Variants in PALLD observed in about 807,000 individuals in gnomAD.
PALLD encodes palladin, cytoskeletal associated protein, also known as palladin.
A neutral mutation model predicts 123.5 loss-of-function variants in PALLD; 61 were observed. The observed-to-expected ratio is 0.49, with a 90% CI of 0.40 to 0.61. The LOEUF is 0.61. Ranked by LOEUF, PALLD falls within the 20% of genes least tolerant of loss-of-function variation. The pLI, the probability that PALLD is intolerant of heterozygous loss-of-function variation, is 0.00. For synonymous variants in PALLD, 465 were observed against 496.4 expected (o/e 0.94, Z 0.84); for missense variants, 1,273 against 1,377.0 (o/e 0.92, Z 1.20).
chr4:168,669,169 T>A (rs10021497), intron 3 of PALLD, among the ~76,000 whole-genome samples: 6,488 of 152,268 alleles, frequency 0.043, 425 homozygotes, highest in African/African-American at 0.14. Flanking sequence ...TGTACTTTTT[T>A]AAACTATTTA....
At chr4:168,800,979 C>T (rs1416348104) in intron 10 of PALLD, among the ~76,000 whole-genome samples, 1 of 152,108 alleles carries the variant, frequency 6.6e-6, no homozygotes, top group Non-Finnish European at 1.5e-5. Flanking sequence ...AAATCTTACA[C>T]ACATAATATA....
At chr4:168,902,925 C>T (rs72975241) in intron 14 of PALLD, among the ~76,000 whole-genome samples, 371 of 152,156 alleles carry the variant, frequency 2.4e-3, no homozygotes, top group African/African-American at 8.6e-3. Flanking sequence ...ACATGCACCA[C>T]CACACCCAGA....
chr4:168,535,839 A>G (rs1765039634), intron 2 of PALLD, among the ~76,000 whole-genome samples: 3 of 152,184 alleles, frequency 2.0e-5, no homozygotes. Context: ...GGGGTAAGTG[A>G]GCAAAAGCAG....
chr4:168,519,489 T>A (rs1580096956), intron 2 of PALLD, among the ~76,000 whole-genome samples: 1 of 149,520 alleles, frequency 6.7e-6, no homozygotes, highest in Non-Finnish European at 1.5e-5. Flanking sequence ...TCAGGGTTGT[T>A]TTAGTTATAT....
At chr4:168,640,166 A>T (rs575319543) in intron 2 of PALLD, among the ~76,000 whole-genome samples, 1 of 152,298 alleles carries the variant, frequency 6.6e-6, no homozygotes, top group Admixed American at 6.5e-5. Flanking sequence ...CACTGGCTCA[A>T]GTTCAGCGTA....
chr4:168,611,609 T>C (rs1773735052), intron 2 of PALLD, among the ~76,000 whole-genome samples: 1 of 152,234 alleles, frequency 6.6e-6, no homozygotes, highest in Non-Finnish European at 1.5e-5. Context: ...TGAAGACTTA[T>C]TCTATGACCA....
chr4:168,690,680 G>T lies in PALLD; in HGVS notation c.1413G>T (p.Gln471His). Residue 471 changes from glutamine (Q) to histidine (H), a missense_variant, in exon 7 of 22, where the codon CAG (glutamine) becomes CAT (histidine). This residue lies in a region of PALLD where 944 missense variants were observed against 954.5 expected (regional missense o/e 0.99). Transcript: ENST00000505667. Reference protein sequence around the residue: ...ECRVRGAPPLQVQWFRQGSEI... With the variant: ...ECRVRGAPPLHVQWFRQGSEI... ...GGGTCCGTGGGGCACCCCCTCTGCA[G>T]GTCCAGTGGTTTCGGCAAGGGAGTG... The T allele has an allele frequency of 6.2e-7, 1 of 1,614,180 alleles. No homozygotes were observed. The highest frequency in any genetic ancestry group is 1.1e-5 in the South Asian group (1 of 91,088).
intron 12 of PALLD, among the ~76,000 whole-genome samples, chr4:168,895,149 T>C (rs1754833628): frequency 6.6e-6 from 1 of 152,060 alleles, no homozygotes; most frequent in Non-Finnish European, 1.5e-5. Flanking sequence ...TTTGGGAGGC[T>C]GAGGTGGGTG....
intron 2 of PALLD, among the ~76,000 whole-genome samples, chr4:168,623,207 A>G (rs553395023): frequency 1.3e-5 from 2 of 152,312 alleles, no homozygotes; most frequent in African/African-American, 2.4e-5. Flanking sequence ...CCAAACTCAC[A>G]GTACTACCTG....
chr4:168,827,754 C>T (rs1388744828), intron 10 of PALLD, among the ~76,000 whole-genome samples: 5 of 152,172 alleles, frequency 3.3e-5, no homozygotes, highest in African/African-American at 9.7e-5. Context: ...TTAAAAATAA[C>T]ATCAAAGGCC....
At position 168,702,944 on chromosome 4, in the gene PALLD, C is replaced by T. The variant is rs561639085; in HGVS notation, c.1502-6084C>T. 3.4e-5 allele frequency among the ~76,000 whole-genome samples: 5 copies of T among 146,654 alleles called. No individual in the cohort carries two copies. The South Asian group carries it at 6.5e-4, about 19-fold the overall frequency. On this transcript the variant is annotated intron_variant, in intron 8 of 21. Transcript: ENST00000505667. Reference sequence around the variant, plus strand: ...TTATTATACTTTAAGTTTTAGGGTACATGTGCACATTGTGCAGGTTAGTTA... The same window carrying T: ...TTATTATACTTTAAGTTTTAGGGTATATGTGCACATTGTGCAGGTTAGTTA...
At chr4:168,589,539 A>C (rs533471161) in intron 2 of PALLD, among the ~76,000 whole-genome samples, 1 of 133,452 alleles carries the variant, frequency 7.5e-6, no homozygotes, top group African/African-American at 2.6e-5. Context: ...ACTCCCACCA[A>C]CCCCCACCAC....
At chr4:168,502,178 AT>A (rs141720551) in intron 1 of PALLD, among the ~76,000 whole-genome samples, 8,555 of 150,590 alleles carry the variant, frequency 0.057, 635 homozygotes, top group African/African-American at 0.16. Flanking sequence ...AGCAAAATAA[AT>A]TTTTTTTTTA....
At chr4:168,708,735 G>A (rs1049935800) in intron 8 of PALLD, among the ~76,000 whole-genome samples, 2 of 151,998 alleles carry the variant, frequency 1.3e-5, no homozygotes, top group African/African-American at 4.8e-5. Context: ...CAGACATCTC[G>A]TTTTATCTTC....
intron 2 of PALLD, among the ~76,000 whole-genome samples, chr4:168,666,813 G>T (rs1779704614): frequency 6.6e-6 from 1 of 152,190 alleles, no homozygotes; most frequent in Admixed American, 6.5e-5. Flanking sequence ...ACTGATGGGT[G>T]AGGATCTGGA....
At chr4:168,714,688 T>C (rs190844970) in intron 10 of PALLD, among the ~76,000 whole-genome samples, 113 of 152,302 alleles carry the variant, frequency 7.4e-4, no homozygotes, top group Non-Finnish European at 6.8e-4. Context: ...AGGCTTATAT[T>C]TGGTGGCGTT....
At chr4:168,770,002 C>T (rs1194760016) in intron 10 of PALLD, among the ~76,000 whole-genome samples, 1 of 152,198 alleles carries the variant, frequency 6.6e-6, no homozygotes, top group African/African-American at 2.4e-5. Flanking sequence ...TCCAAATCTA[C>T]TCTTTTTACT....
chr4:168,822,165 A>G (rs1329982975), intron 10 of PALLD, among the ~76,000 whole-genome samples: 1 of 151,964 alleles, frequency 6.6e-6, no homozygotes, highest in Non-Finnish European at 1.5e-5. Flanking sequence ...TCAGGACCTG[A>G]TGAGGTCTTT....
chr4:168,550,091 G>A (rs1766573160), intron 2 of PALLD, among the ~76,000 whole-genome samples: 1 of 152,094 alleles, frequency 6.6e-6, no homozygotes, highest in Non-Finnish European at 1.5e-5. Context: ...TTAATGCCAG[G>A]TTCATCTCTC....
Sources: allele counts gnomAD v4.1 joint callset (sites outside exome capture counted in the v4.1 genomes callset), GRCh38; gene constraint gnomAD v4.1.1; regional missense constraint gnomAD v4.1.1; transcripts MANE v1.5; gene names NCBI Gene and HGNC (gene_info 2026-07-23, HGNC 2026-07-21).